Variants in PLEKHH2 observed in about 807,000 individuals in gnomAD.
PLEKHH2 encodes the protein pleckstrin homology, MyTH4 and FERM domain containing H2, also known as pleckstrin homology domain-containing family H member 2.
PLEKHH2 carries 129 observed loss-of-function variants against 187.9 expected under a neutral mutation model. The observed-to-expected ratio is 0.69, with a 90% CI of 0.59 to 0.79. The LOEUF is 0.79. PLEKHH2 is among the 30% of genes least tolerant of loss of function. PLEKHH2 has a pLI of 0.00. For synonymous variants in PLEKHH2, 686 were observed against 605.6 expected (o/e 1.13, Z -1.95); for missense variants, 2,076 against 1,751.2 (o/e 1.19, Z -3.31).
At chr2:43,756,395 C>A (rs545368691) in intron 25 of PLEKHH2, among the ~76,000 whole-genome samples, 1 of 151,968 alleles carries the variant, frequency 6.6e-6, no homozygotes, top group East Asian at 1.9e-4. Context: ...TGGGTTCAAG[C>A]GATTCTTCTG....
At chr2:43,760,113 A>G (rs149345240) in intron 27 of PLEKHH2, among the ~76,000 whole-genome samples, 73 of 152,300 alleles carry the variant, frequency 4.8e-4, no homozygotes, top group African/African-American at 1.6e-3. Context: ...TGAACTGTAG[A>G]GCAGCATGGA....
chr2:43,673,963 G>A (rs1030077817), intron 2 of PLEKHH2, among the ~76,000 whole-genome samples: 1 of 152,158 alleles, frequency 6.6e-6, no homozygotes, highest in Non-Finnish European at 1.5e-5. Flanking sequence ...TACAAGATAG[G>A]AAGTCAGTGC....
intron 19 of PLEKHH2, among the ~76,000 whole-genome samples, chr2:43,734,542 G>T (rs938495446): frequency 2.0e-5 from 3 of 152,174 alleles, no homozygotes; most frequent in Non-Finnish European, 4.4e-5. Context: ...AATCAGCATC[G>T]TAATGAAATA....
intron 3 of PLEKHH2, chr2:43,681,036 G>T: frequency 7.8e-7 from 1 of 1,280,678 alleles, no homozygotes. Context: ...ATGCCAACTG[G>T]AATTCCTTCC....
intron 24 of PLEKHH2, among the ~76,000 whole-genome samples, chr2:43,748,161 G>A (rs1671854727): frequency 6.6e-6 from 1 of 152,200 alleles, no homozygotes; most frequent in African/African-American, 2.4e-5. Flanking sequence ...AATAAATGGT[G>A]GTTGTGAACA....
At chr2:43,670,758 A>G (rs1232875508) in intron 2 of PLEKHH2, among the ~76,000 whole-genome samples, 1 of 152,168 alleles carries the variant, frequency 6.6e-6, no homozygotes, top group East Asian at 1.9e-4. Flanking sequence ...CTATAGGTCA[A>G]TTGGAAGAGA....
intron 15 of PLEKHH2, among the ~76,000 whole-genome samples, chr2:43,712,830 T>C (rs919234123): frequency 6.6e-6 from 1 of 152,138 alleles, no homozygotes; most frequent in Non-Finnish European, 1.5e-5. Flanking sequence ...TGGAAAAACA[T>C]TTTACTGTCA....
chr2:43,666,215 C>A (rs1422959029), intron 2 of PLEKHH2, among the ~76,000 whole-genome samples: 1 of 150,436 alleles, frequency 6.6e-6, no homozygotes, highest in Admixed American at 6.6e-5. Context: ...GCGCAGTATT[C>A]GGGTGGGAGT....
intron 24 of PLEKHH2, among the ~76,000 whole-genome samples, chr2:43,750,194 C>A (rs1280466416): frequency 6.6e-6 from 1 of 151,946 alleles, no homozygotes; most frequent in Non-Finnish European, 1.5e-5. Context: ...TCATGTGGAC[C>A]AGGCACCGTG....
At chr2:43,639,481 T>C (rs1703267570) in intron 1 of PLEKHH2, among the ~76,000 whole-genome samples, 1 of 152,214 alleles carries the variant, frequency 6.6e-6, no homozygotes, top group Admixed American at 6.5e-5. Context: ...CCTTTGGATT[T>C]GCCTCTTATG....
intron 19 of PLEKHH2, among the ~76,000 whole-genome samples, chr2:43,737,999 C>A (rs1371129463): frequency 1.3e-5 from 2 of 152,148 alleles, no homozygotes; most frequent in African/African-American, 4.8e-5. Context: ...ATGAAAAATG[C>A]AGTGACTAAA....
Position 43,757,368 on chromosome 2 carries a change from T to C in PLEKHH2, c.3941+104T>C, listed in dbSNP as rs999961639. ...GGTGAAAAACATTTGGACAGCTTTCTCAAGATTTTTTTAACATGATTGAGC... is the reference window on the plus strand; with the variant it reads ...GGTGAAAAACATTTGGACAGCTTTCCCAAGATTTTTTTAACATGATTGAGC... On this transcript the variant is annotated intron_variant, in intron 26 of 29. Transcript: ENST00000282406. 21 of 952,820 alleles carry C rather than the reference T, an allele frequency of 2.2e-5. No homozygotes were observed. In the African/African-American group the frequency reaches 3.6e-4, roughly 16 times the overall value. 59.0% of individuals were successfully genotyped at this position (952,820 alleles called of 1,614,324 possible).
rs747950953 is a variant in PLEKHH2, at chr2:43,712,333, C to G, written c.2410C>G (p.Leu804Val). The stretch of plus-strand genomic sequence containing the variant: ...TCTTCGAGTACAAGCTGCCAACCCA[C>G]TTTCCCTGCAGCCTGAGGGCAAACC... ...NVLRVQAANP[L>V]SLQPEGKPTM... Residue 804 changes from leucine to valine, a missense_variant, in exon 15 of 30, where the codon CTT (leucine) becomes GTT (valine). Leu to Val is a conservative substitution (Grantham distance 32). Transcript: ENST00000282406. 13 of 1,614,078 alleles carry G rather than the reference C, an allele frequency of 8.1e-6. No homozygotes were observed. In the Admixed American group the frequency reaches 2.2e-4, roughly 27 times the overall value.
At chr2:43,756,327 G>C (rs943644123) in intron 25 of PLEKHH2, among the ~76,000 whole-genome samples, 1 of 151,576 alleles carries the variant, frequency 6.6e-6, no homozygotes, top group African/African-American at 2.4e-5. Flanking sequence ...ATGGAGTCTT[G>C]CTCTGTCACC....
chr2:43,759,882 G>C (rs1672357554), intron 27 of PLEKHH2, among the ~76,000 whole-genome samples: 1 of 152,094 alleles, frequency 6.6e-6, no homozygotes, highest in South Asian at 2.1e-4. Context: ...ATCTGTTAAT[G>C]AAATACTTAG....
intron 3 of PLEKHH2, among the ~76,000 whole-genome samples, chr2:43,684,650 G>T (rs1014238272): frequency 2.6e-5 from 4 of 151,198 alleles, no homozygotes; most frequent in Non-Finnish European, 5.9e-5. Context: ...GAGGTTTGTT[G>T]CCATCAGGGC....
chr2:43,720,557 T>C, intron 15 of PLEKHH2, 112 bp from the exon 16 acceptor site: 1 of 1,520,954 alleles, frequency 6.6e-7, no homozygotes, highest in Admixed American at 2.3e-5. Context: ...GGAATATCAC[T>C]TATATCTGGG....
chr2:43,679,054 C>G (rs1252406972), intron 3 of PLEKHH2, 129 bp downstream of exon 3: 1 of 520,510 alleles, frequency 1.9e-6, no homozygotes, highest in African/African-American at 2.0e-5. Flanking sequence ...ATAGCTTGAT[C>G]CATAAAGAAA....
chr2:43,682,866 TTTTTGATATTTATCCACG>T (rs759925607), intron 3 of PLEKHH2, among the ~76,000 whole-genome samples: 1 of 152,148 alleles, frequency 6.6e-6, no homozygotes, highest in Non-Finnish European at 1.5e-5. Flanking sequence ...TAGCAGAATG[TTTTTGATATTTATCCACG>T]TTGTAGCATG....
Sources: allele counts gnomAD v4.1 joint callset (sites outside exome capture counted in the v4.1 genomes callset), GRCh38; gene constraint gnomAD v4.1.1; transcripts MANE v1.5; gene names NCBI Gene and HGNC (gene_info 2026-07-23, HGNC 2026-07-21).